BRCA1: variants seen among roughly 807,000 people sequenced by gnomAD.
The protein encoded by BRCA1 is BRCA1 DNA repair associated, also known as breast cancer type 1 susceptibility protein.
In BRCA1, 140 loss-of-function variants were observed where a neutral mutation model predicts 173.7. That is an observed-to-expected ratio of 0.81 (90% CI 0.70 to 0.93). The LOEUF (loss-of-function observed/expected upper bound fraction) is 0.93. BRCA1 is among the 40% of genes least tolerant of loss of function. The pLI is 0.00. For missense variants in BRCA1, 1,983 were observed against 2,172.5 expected (o/e 0.91, Z 1.73); for synonymous variants, 662 against 756.0 (o/e 0.88, Z 2.04).
chr17:43,048,211 C>CTT (rs956156557), intron 21 of BRCA1, among the ~76,000 whole-genome samples: 12 of 150,500 alleles, frequency 8.0e-5, no homozygotes, highest in African/African-American at 2.4e-4. Context: ...CTCTCTCTCT[C>CTT]TTTTTTTTTG....
intron 16 of BRCA1, among the ~76,000 whole-genome samples, chr17:43,066,184 TTA>T (rs2052061451): frequency 6.6e-6 from 1 of 152,192 alleles, no homozygotes; most frequent in African/African-American, 2.4e-5. Context: ...CAGATTTAGT[TTA>T]TAGTCAACTA....
intron 1 of BRCA1, chr17:43,133,191 A>T (rs1228117354): frequency 6.6e-6 from 1 of 152,186 alleles, no homozygotes; most frequent in African/African-American, 2.4e-5. Flanking sequence ...CATTTTCCAT[A>T]AATGTTAATT....
intron 15 of BRCA1, among the ~76,000 whole-genome samples, chr17:43,068,772 CA>C (rs1008596710): frequency 1.3e-5 from 2 of 152,038 alleles, no homozygotes; most frequent in African/African-American, 4.8e-5. Context: ...CTGATAGTTA[CA>C]AAACACTGAA....
intron 1 of BRCA1, chr17:43,140,096 G>A: frequency 2.9e-6 from 1 of 350,632 alleles, no homozygotes; most frequent in Non-Finnish European, 5.6e-6. Flanking sequence ...ATCCTCTGGG[G>A]TGGGGAGCAG....
At chr17:43,067,557 T>G (rs2052150412) in intron 16 of BRCA1, 51 bp downstream of exon 16, 4 of 1,466,136 alleles carry the variant, frequency 2.7e-6, no homozygotes, top group East Asian at 2.3e-5. Context: ...CCTCGCCTCA[T>G]GTGGTTTTAT....
intron 1 of BRCA1, among the ~76,000 whole-genome samples, chr17:43,145,450 C>T (rs556235813): frequency 3.7e-4 from 57 of 152,114 alleles, no homozygotes; most frequent in African/African-American, 1.3e-3. Context: ...TCTCAGCCTC[C>T]CGTGTAGCTG....
Position 43,092,111 on chromosome 17 carries a change from A to T in BRCA1, c.3420T>A (p.Ser1140Arg), listed in dbSNP as rs2154317544. The change falls in exon 10 of 23, where the codon AGT (serine) becomes AGA (arginine). Residue 1140 changes from serine to arginine, a missense_variant. Transcript: ENST00000357654. ...TCTCAGAACAAACCTGAGATGCATGACTACTTCCCATAGGCTGTTCTAAGT... is the reference window on the plus strand; with the variant it reads ...TCTCAGAACAAACCTGAGATGCATGTCTACTTCCCATAGGCTGTTCTAAGT... ...SDNLEQPMGSSHASQVCSETP... is the reference protein window; with the variant it reads ...SDNLEQPMGSRHASQVCSETP... The T allele has an allele frequency of 6.2e-7, 1 of 1,613,922 alleles. No homozygotes were observed.
At chr17:43,123,209 C>T (rs1286945689) in intron 2 of BRCA1, among the ~76,000 whole-genome samples, 3 of 151,354 alleles carry the variant, frequency 2.0e-5, no homozygotes, top group Non-Finnish European at 4.4e-5. Flanking sequence ...TCCAGCCTCT[C>T]GACAGAGATC....
rs780239567 is a variant in BRCA1 at position 43,076,556 on chromosome 17, A to G, written c.4416T>C (p.Leu1472=). 1 of 1,613,630 alleles carries G rather than the reference A, an allele frequency of 6.2e-7. No individual in the cohort carries two copies. The highest frequency in any genetic ancestry group is 1.1e-5 in the South Asian group (1 of 91,070). ...EYPISQNPEG[L]SADKFEVSAD... ...CAGACACCTCAAACTTGTCAGCAGA[A>G]AGGCCTTCTGGATTCTGGCTTATAG... The change falls in exon 13 of 23, where the codon CTT becomes CTC. Residue 1472 remains leucine, a synonymous_variant. Coordinates refer to ENST00000357654, the MANE Select transcript of BRCA1 (RefSeq NM_007294.4).
At position 43,124,228 on chromosome 17, in the gene BRCA1, A is replaced by T. The variant is rs2055759758; in HGVS notation, c.-19-113T>A. 8.4e-6 allele frequency: 6 copies of T among 712,416 alleles called. 1 individual carries two copies. Among genetic ancestry groups the T allele is most frequent in the South Asian group, 3.7e-5 (2 of 53,744 alleles). The allele number at this position is 712,416 out of a possible 1,614,324, so 44.1% of individuals were successfully genotyped here. ...AATTTAAGATTTGGAAGGTTTTAGA[A>T]TAATACAAACCAAAGAACTAATGAC... On this transcript the variant is annotated intron_variant, in intron 1 of 22. Transcript: ENST00000357654.
chr17:43,128,683 G>A (rs1454929759), upstream of BRCA1, among the ~76,000 whole-genome samples: 1 of 152,158 alleles, frequency 6.6e-6, no homozygotes, highest in Non-Finnish European at 1.5e-5. Flanking sequence ...GTTAAAAAAT[G>A]ACACTACCCA....
rs1377750822 is a variant in BRCA1, at chr17:43,076,599, T to A, written c.4373A>T (p.Gln1458Leu). 2 of 1,613,528 alleles carry A rather than the reference T, an allele frequency of 1.2e-6. No individual in the cohort carries two copies. Among genetic ancestry groups the A allele is most frequent in the African/African-American group, 2.7e-5 (2 of 74,924 alleles). Residue 1458 changes from glutamine (Q) to leucine (L), a missense_variant, in exon 13 of 23, where the codon CAG becomes CTG. Transcript: ENST00000357654. ...STSEKAVLTS[Q>L]KSSEYPISQN... ...GCTTATAGGGTATTCACTACTTTTC[T>A]GTGAAGTTAATACTGCTTTAAATGG...
chr17:43,127,359 A>G (rs1160103946), upstream of BRCA1, among the ~76,000 whole-genome samples: 1 of 152,226 alleles, frequency 6.6e-6, no homozygotes, highest in African/African-American at 2.4e-5. Flanking sequence ...GGGATGCACC[A>G]ATCAGCACTC....
At chr17:43,138,314 A>C in intron 1 of BRCA1, 1 of 372,284 alleles carries the variant, frequency 2.7e-6, no homozygotes, top group African/African-American at 2.1e-5. Context: ...TGGCCTGCGG[A>C]CCGCTCAGCT....
chr17:43,152,211 C>T (rs1022656965), intron 1 of BRCA1, among the ~76,000 whole-genome samples: 8 of 152,348 alleles, frequency 5.3e-5, no homozygotes, highest in African/African-American at 1.9e-4. Context: ...TGAGCCACCA[C>T]TGAGCCTTGT....
At chr17:43,153,838 G>C (rs1300215377) in intron 1 of BRCA1, among the ~76,000 whole-genome samples, 3 of 152,182 alleles carry the variant, frequency 2.0e-5, no homozygotes, top group Non-Finnish European at 4.4e-5. Flanking sequence ...TGTTTGGTTT[G>C]TGATTACTTT....
In BRCA1 at chr17:43,054,744, AT is replaced by A. The variant is rs11347376; in HGVS notation, c.5277+2307del. On this transcript the variant is annotated intron_variant, in intron 19 of 22. Transcript: ENST00000357654. ...AAGTGAGCCGCTGTGCCCAGCTGGGATTTTTTTTTTTTTTTTGAGATGAAGT... is the reference window on the plus strand; with the variant it reads ...AAGTGAGCCGCTGTGCCCAGCTGGGATTTTTTTTTTTTTTTGAGATGAAGT... Among the ~76,000 whole-genome samples the A allele has an allele frequency of 0.5, 68,526 of 137,352 alleles. 19,975 individuals are homozygous for A. The highest frequency in any genetic ancestry group is 0.86 in the African/African-American group (31,223 of 36,498). The allele number at this position is 137,352 out of a possible 152,430, so 90.1% of individuals were successfully genotyped here.
At chr17:43,161,149 T>A (rs2056233465) in intron 1 of BRCA1, 1 of 152,216 alleles carries the variant, frequency 6.6e-6, no homozygotes, top group African/African-American at 2.4e-5. Flanking sequence ...TAGCAAGTAG[T>A]CGAGAGCTAA....
At chr17:43,104,614 A>G (rs1212589484) in intron 5 of BRCA1, among the ~76,000 whole-genome samples, 2 of 152,204 alleles carry the variant, frequency 1.3e-5, no homozygotes, top group East Asian at 3.8e-4. Flanking sequence ...CAAATTAAAC[A>G]AATGACACAC....
Sources: gnomAD v4.1 joint callset for allele counts (sites outside exome capture counted in the v4.1 genomes callset) on GRCh38, gnomAD v4.1.1 for gene constraint, MANE v1.5 for transcripts, NCBI Gene and HGNC (gene_info 2026-07-23, HGNC 2026-07-21) for gene names.